NEK10: variants seen among roughly 807,000 people sequenced by gnomAD.
The protein encoded by NEK10 is serine/threonine-protein kinase Nek10.
Under a neutral mutation model 159.8 loss-of-function variants are expected in NEK10, and 122 were observed. The observed-to-expected ratio is 0.76, with a 90% CI of 0.66 to 0.89. NEK10 has a LOEUF of 0.89. Among genes scored for constraint, NEK10 ranks in the 40% least tolerant of loss-of-function variants. The probability of loss-of-function intolerance (pLI) is 0.00; values close to 1 mark genes in which losing one functional copy is unlikely to be tolerated. For synonymous variants in NEK10, 466 were observed against 457.1 expected (o/e 1.02, Z -0.25); for missense variants, 1,342 against 1,323.1 (o/e 1.01, Z -0.22).
intron 1 of NEK10, among the ~76,000 whole-genome samples, chr3:27,355,039 T>C (rs1010552473): frequency 6.6e-6 from 1 of 151,828 alleles, no homozygotes. Context: ...CTGGGCAGAG[T>C]GCCCACATAT....
At chr3:27,163,032 T>C (rs989372568) in intron 29 of NEK10, among the ~76,000 whole-genome samples, 1 of 152,170 alleles carries the variant, frequency 6.6e-6, no homozygotes, top group Admixed American at 6.5e-5. Context: ...AAACTCAAAA[T>C]ATGATTTTGC....
intron 6 of NEK10, among the ~76,000 whole-genome samples, chr3:27,320,492 G>A (rs547570573): frequency 6.6e-6 from 1 of 152,284 alleles, no homozygotes; most frequent in South Asian, 2.1e-4. Flanking sequence ...ATAATTAAGT[G>A]GGAACAGTAA....
Position 27,111,303 on chromosome 3 carries a change from C to A in NEK10, c.3317G>T (p.Trp1106Leu). The A allele has an allele frequency of 6.2e-7, 1 of 1,607,844 alleles. No individual in the cohort carries two copies. The highest frequency in any genetic ancestry group is 8.5e-7 in the Non-Finnish European group (1 of 1,176,754). Residue 1106 changes from tryptophan (W) to leucine (L), a missense_variant, in exon 36 of 36, where the codon TGG becomes TTG. Transcript: ENST00000691995. ...TTTGGTTGGGTGATTCTTGGTCCCC[C>A]ATGGATAGGAATGATACCTATAAGA... ...FTSNRYHSYP[W>L]GTKNHPTKR
chr3:27,257,242 G>C (rs1340159515), intron 22 of NEK10, among the ~76,000 whole-genome samples: 1 of 152,004 alleles, frequency 6.6e-6, no homozygotes, highest in Non-Finnish European at 1.5e-5. Context: ...CAACAACTTA[G>C]GTCAAAATGA....
rs916895615 is a variant in NEK10, at chr3:27,110,009, T to C, written c.*1263A>G. On this transcript the variant is annotated 3_prime_UTR_variant, in exon 36 of 36. Transcript: ENST00000691995. The stretch of plus-strand genomic sequence containing the variant: ...AAGAAGGTTATGGTCTTTCAACCAC[T>C]GTAAATACATTGAACTAAAATCGAT... The C allele has an allele frequency of 1.4e-4, 21 of 152,326 alleles. No homozygotes were observed. Among genetic ancestry groups the C allele is most frequent in the African/African-American group, 4.8e-4 (20 of 41,590 alleles). The allele number at this position is 152,326 out of a possible 1,614,324, so 9.4% of individuals were successfully genotyped here. A position where few individuals can be genotyped will look rare whatever the true frequency, so the allele number is the denominator to read the frequency against.
intron 8 of NEK10, 77 bp from the exon 9 acceptor site, chr3:27,311,093 T>C: frequency 2.3e-6 from 2 of 872,218 alleles, no homozygotes; most frequent in Non-Finnish European, 3.9e-6. Flanking sequence ...AGATCTGCAG[T>C]GCATATGGGC....
rs560775616 is a variant in NEK10 at position 27,286,196 on chromosome 3, C to T, written c.1790-1235G>A. Among the ~76,000 whole-genome samples, 11 of 148,160 alleles carry T rather than the reference C, an allele frequency of 7.4e-5. No individual in the cohort carries two copies. In the South Asian group the frequency reaches 2.3e-3, roughly 32 times the overall value. On this transcript the variant is annotated intron_variant, in intron 20 of 35. Coordinates refer to ENST00000691995, the MANE Select transcript of NEK10 (RefSeq NM_001394966.1). Reference sequence around the variant, plus strand: ...TGCCTCTGGGGTTCACGCCATTCTCCTGCCTCAGTCTCCCAAGTAGCTGGG... The same window carrying T: ...TGCCTCTGGGGTTCACGCCATTCTCTTGCCTCAGTCTCCCAAGTAGCTGGG...
Position 27,243,830 on chromosome 3 carries a change from GGTGTGTGT to G in NEK10, c.2090+12458_2090+12465del, listed in dbSNP as rs56720203. On this transcript the variant is annotated intron_variant, in intron 23 of 35. Transcript: ENST00000691995. Reference sequence around the variant, plus strand: ...TCTTCTACACTTGACTGACACCATGGGTGTGTGTGTGTGTGTGTGTGTGTGTGTGTGTG... The same window carrying G: ...TCTTCTACACTTGACTGACACCATGGGTGTGTGTGTGTGTGTGTGTGTGTG... Among the ~76,000 whole-genome samples, 143 of 148,368 alleles carry G rather than the reference GGTGTGTGT, an allele frequency of 9.6e-4. 1 individual carries two copies. The highest frequency in any genetic ancestry group is 3.3e-3 in the African/African-American group (132 of 40,260).
intron 30 of NEK10, among the ~76,000 whole-genome samples, chr3:27,145,045 A>G (rs1484984110): frequency 2.6e-5 from 4 of 152,242 alleles, no homozygotes; most frequent in East Asian, 1.9e-4. Flanking sequence ...AATGTTAGCC[A>G]TAACATTTTG....
chr3:27,229,719 C>A (rs1439680635), intron 23 of NEK10, among the ~76,000 whole-genome samples: 1 of 151,862 alleles, frequency 6.6e-6, no homozygotes, highest in Admixed American at 6.6e-5. Flanking sequence ...TAAGGAAATA[C>A]AAAATGCAAT....
chr3:27,172,606 G>T lies in NEK10; in HGVS notation c.2777-733C>A, dbSNP rs537577004. On this transcript the variant is annotated intron_variant, in intron 28 of 35. Transcript: ENST00000691995. Reference sequence around the variant, plus strand: ...AAATATTTAAAAATAGCTAGAAGGGGAGATTTGAAATGTTTCCAACACAAA... The same window carrying T: ...AAATATTTAAAAATAGCTAGAAGGGTAGATTTGAAATGTTTCCAACACAAA... Among the ~76,000 whole-genome samples the T allele has an allele frequency of 9.2e-5, 14 of 152,070 alleles. No individual in the cohort carries two copies. In the East Asian group the frequency reaches 2.7e-3, roughly 29 times the overall value.
chr3:27,344,102 A>G (rs1251045554), intron 5 of NEK10, among the ~76,000 whole-genome samples, 170 bp downstream of exon 5: 1 of 152,134 alleles, frequency 6.6e-6, no homozygotes, highest in Non-Finnish European at 1.5e-5. Flanking sequence ...TAAATTCAGT[A>G]CCTAATCAGT....
intron 35 of NEK10, among the ~76,000 whole-genome samples, chr3:27,111,601 G>A (rs1244267007): frequency 6.6e-6 from 1 of 152,156 alleles, no homozygotes; most frequent in East Asian, 1.9e-4. Flanking sequence ...TTGAATACCT[G>A]TGTAGGTTAA....
rs1939221411 is a variant in NEK10, at chr3:27,108,657, A to AT, written c.*2614_*2615insA. Among the ~76,000 whole-genome samples the AT allele has an allele frequency of 6.6e-6, 1 of 152,232 alleles. No individual in the cohort carries two copies. ...AAAATTATACAAGAGAAAGGGAAAA[A>AT]ATATATAAATGCAATCAAGAAAAGA... is the stretch of plus-strand genomic sequence containing the variant. On this transcript the variant is annotated 3_prime_UTR_variant, in exon 36 of 36. Transcript: ENST00000691995.
chr3:27,286,694 T>C (rs927921507), intron 20 of NEK10, among the ~76,000 whole-genome samples: 1 of 151,990 alleles, frequency 6.6e-6, no homozygotes, highest in African/African-American at 2.4e-5. Context: ...CCGGCCGCCA[T>C]TTCCAGTTCT....
At chr3:27,289,083 TG>T (rs2042816976) in intron 19 of NEK10, among the ~76,000 whole-genome samples, 1 of 152,182 alleles carries the variant, frequency 6.6e-6, no homozygotes, top group African/African-American at 2.4e-5. Context: ...ACCTTGGATG[TG>T]AGCATGGCTA....
chr3:27,253,449 G>T (rs1370609962), intron 23 of NEK10, among the ~76,000 whole-genome samples: 1 of 152,124 alleles, frequency 6.6e-6, no homozygotes, highest in Non-Finnish European at 1.5e-5. Context: ...TTTCCCTTGA[G>T]AAGGATAACA....
At chr3:27,337,221 G>A (rs186918775) in intron 5 of NEK10, among the ~76,000 whole-genome samples, 4 of 151,996 alleles carry the variant, frequency 2.6e-5, no homozygotes, top group Middle Eastern at 3.4e-3. Flanking sequence ...TCCTATTTCC[G>A]ATAGCTACCA....
rs531418406 is a variant in NEK10 at position 27,301,160 on chromosome 3, G to T, written c.1168+536C>A. Among the ~76,000 whole-genome samples, 19 of 152,346 alleles carry T rather than the reference G, an allele frequency of 1.2e-4. No individual in the cohort carries two copies. The South Asian group carries it at 3.9e-3, about 32-fold the overall frequency. On this transcript the variant is annotated intron_variant, in intron 13 of 35. Coordinates refer to ENST00000691995, the MANE Select transcript of NEK10 (RefSeq NM_001394966.1). ...GGTGCCCCCAGGCAGGGCACAAACTGCATGACTGCTCAAGGTGGCCCTGCC... is the reference window on the plus strand; with the variant it reads ...GGTGCCCCCAGGCAGGGCACAAACTTCATGACTGCTCAAGGTGGCCCTGCC...
Sources: gnomAD v4.1 joint callset for allele counts (sites outside exome capture counted in the v4.1 genomes callset) on GRCh38, gnomAD v4.1.1 for gene constraint, MANE v1.5 for transcripts, NCBI Gene and HGNC (gene_info 2026-07-23, HGNC 2026-07-21) for gene names.